The following TAFA1 variants were observed in gnomAD, a reference collection of about 807,000 sequenced individuals.
TAFA1 encodes TAFA chemokine like family member 1.
TAFA1 carries 4 observed loss-of-function variants against 18.5 expected under a neutral mutation model. The ratio of observed to expected loss-of-function variants is 0.22; its 90% CI spans 0.11 to 0.49. The LOEUF (loss-of-function observed/expected upper bound fraction) is 0.49, where lower values mean the gene tolerates loss of function less well. TAFA1 is among the 20% of genes least tolerant of loss of function. TAFA1 has a pLI of 0.98. For synonymous variants in TAFA1, 56 were observed against 55.2 expected, an observed-to-expected ratio of 1.01 and a Z score of -0.06; for missense variants, 147 against 169.0, an observed-to-expected ratio of 0.87 and a Z score of 0.72.
At chr3:68,514,204 A>G (rs11128065) in intron 3 of TAFA1, among the ~76,000 whole-genome samples, 121,649 of 152,016 alleles carry the variant, frequency 0.8, 48,763 homozygotes, top group East Asian at 0.89. Context: ...ATTCTGGGGG[A>G]ACATAAACAT....
At chr3:68,031,042 GT>G (rs1248173393) in intron 2 of TAFA1, among the ~76,000 whole-genome samples, 2 of 152,130 alleles carry the variant, frequency 1.3e-5, no homozygotes, top group African/African-American at 4.8e-5. Context: ...TCTAAAATAT[GT>G]TGCTACTCTT....
chr3:68,509,344 T>C (rs1402235152), intron 3 of TAFA1, among the ~76,000 whole-genome samples: 1 of 152,072 alleles, frequency 6.6e-6, no homozygotes, highest in Non-Finnish European at 1.5e-5. Context: ...AAAAAGCAGC[T>C]GTGGAGGTCA....
chr3:68,251,418 C>T (rs944106258), intron 2 of TAFA1, among the ~76,000 whole-genome samples: 12 of 152,226 alleles, frequency 7.9e-5, no homozygotes, highest in African/African-American at 2.7e-4. Flanking sequence ...ATATTCCCTT[C>T]TTTTGTCATT....
intron 2 of TAFA1, among the ~76,000 whole-genome samples, chr3:68,201,183 T>C (rs566019880): frequency 1.3e-5 from 2 of 151,744 alleles, no homozygotes; most frequent in Non-Finnish European, 1.5e-5. Flanking sequence ...TATTTTGGGA[T>C]TTTCTAGTTA....
intron 3 of TAFA1, among the ~76,000 whole-genome samples, chr3:68,492,028 T>C (rs1469822207): frequency 6.6e-6 from 1 of 152,240 alleles, no homozygotes; most frequent in African/African-American, 2.4e-5. Flanking sequence ...TTATGTGTAC[T>C]TATTTCCTTA....
chr3:68,394,260 C>T (rs2070329513), intron 2 of TAFA1, among the ~76,000 whole-genome samples: 1 of 152,120 alleles, frequency 6.6e-6, no homozygotes, highest in Non-Finnish European at 1.5e-5. Flanking sequence ...TGAAAGACTT[C>T]TTCAGGGAGA....
intron 2 of TAFA1, among the ~76,000 whole-genome samples, chr3:68,171,781 G>T (rs972015269): frequency 2.0e-5 from 3 of 151,804 alleles, no homozygotes; most frequent in African/African-American, 7.3e-5. Context: ...TTCTAGAGTT[G>T]AAAATTACAA....
At chr3:68,145,149 A>G in intron 2 of TAFA1, 2 of 850,468 alleles carry the variant, frequency 2.4e-6, no homozygotes, top group South Asian at 1.3e-5. Flanking sequence ...CTCCGTAATG[A>G]CATGAATAAT....
At chr3:68,218,307 G>T (rs1328475972) in intron 2 of TAFA1, among the ~76,000 whole-genome samples, 1 of 152,002 alleles carries the variant, frequency 6.6e-6, no homozygotes, top group South Asian at 2.1e-4. Context: ...CATTTTTATA[G>T]CATGTTTTGA....
At chr3:68,140,502 T>G (rs2065656470) in intron 2 of TAFA1, among the ~76,000 whole-genome samples, 1 of 152,210 alleles carries the variant, frequency 6.6e-6, no homozygotes, top group Non-Finnish European at 1.5e-5. Flanking sequence ...GAAGTGCATG[T>G]ATTACCAACT....
intron 2 of TAFA1, among the ~76,000 whole-genome samples, chr3:68,128,103 A>C (rs922482514): frequency 6.6e-6 from 1 of 152,120 alleles, no homozygotes; most frequent in Admixed American, 6.5e-5. Flanking sequence ...CATAATTGCT[A>C]TTCAGGTTTT....
chr3:68,224,270 G>A (rs1232247691), intron 2 of TAFA1, among the ~76,000 whole-genome samples: 1 of 152,074 alleles, frequency 6.6e-6, no homozygotes, highest in African/African-American at 2.4e-5. Context: ...TCAAGTGGGT[G>A]TCTTCCACCT....
chr3:68,047,646 TTG>T (rs1330421398), intron 2 of TAFA1, among the ~76,000 whole-genome samples: 3 of 152,132 alleles, frequency 2.0e-5, no homozygotes, highest in African/African-American at 7.2e-5. Context: ...ACTCAAGTTA[TTG>T]TAAGTAATGA....
At chr3:68,422,152 T>G (rs1388234672) in intron 3 of TAFA1, among the ~76,000 whole-genome samples, 1 of 152,182 alleles carries the variant, frequency 6.6e-6, no homozygotes, top group Admixed American at 6.6e-5. Context: ...AGCAAAGTTT[T>G]ATGGATGGCT....
chr3:68,075,719 C>G (rs1046278961), intron 2 of TAFA1, among the ~76,000 whole-genome samples: 1 of 136,662 alleles, frequency 7.3e-6, no homozygotes, highest in African/African-American at 2.8e-5. Context: ...TTTTTTTGGA[C>G]AAGGTTTTGC....
At chr3:68,137,148 A>G (rs541982930) in intron 2 of TAFA1, among the ~76,000 whole-genome samples, 1 of 152,288 alleles carries the variant, frequency 6.6e-6, no homozygotes, top group East Asian at 1.9e-4. Context: ...GTTGTCATGG[A>G]ATAAGTTAAG....
At chr3:68,356,755 TATGGAATATTAC>T (rs1444968664) in intron 2 of TAFA1, among the ~76,000 whole-genome samples, 4 of 151,978 alleles carry the variant, frequency 2.6e-5, no homozygotes, top group African/African-American at 4.8e-5. Context: ...AATTGATATA[TATGGAATATTAC>T]ATATCCATAC....
chr3:68,074,302 T>A (rs1402147495), intron 2 of TAFA1, among the ~76,000 whole-genome samples: 3 of 152,146 alleles, frequency 2.0e-5, no homozygotes, highest in Non-Finnish European at 4.4e-5. Flanking sequence ...ACCTCCCTCC[T>A]ACTGTGTGGT....
Position 68,544,560 on chromosome 3 carries a change from A to C in TAFA1, c.*57A>C, listed in dbSNP as rs765227387. ...ACCCTCTGGAAAATACATTTTGAGA[A>C]TCTCAAACATCTCACATATATACAA... On this transcript the variant is annotated 3_prime_UTR_variant, in exon 5 of 5. Coordinates refer to ENST00000478136, the MANE Select transcript of TAFA1 (RefSeq NM_213609.4). The C allele has an allele frequency of 2.3e-5, 35 of 1,537,442 alleles. No individual in the cohort carries two copies. Among genetic ancestry groups the C allele is most frequent in the Non-Finnish European group, 3.0e-5 (33 of 1,113,006 alleles).
Sources: allele counts gnomAD v4.1 joint callset (sites outside exome capture counted in the v4.1 genomes callset), GRCh38; gene constraint gnomAD v4.1.1; transcripts MANE v1.5; gene names NCBI Gene and HGNC (gene_info 2026-07-23, HGNC 2026-07-21).